Variants in CD300C observed in about 807,000 individuals in gnomAD.
CD300C encodes CD300c molecule, also known as CMRF35-like molecule 6.
In CD300C, 11 loss-of-function variants were observed where a neutral mutation model predicts 18.4. That is an observed-to-expected ratio of 0.60 (90% CI 0.38 to 0.99). CD300C has a LOEUF of 0.99. Among genes scored for constraint, CD300C ranks in the 50% least tolerant of loss-of-function variants. The pLI is 0.01. For synonymous variants in CD300C, 116 were observed against 116.3 expected (o/e 1.00, Z 0.02); for missense variants, 277 against 287.4 (o/e 0.96, Z 0.26).
the CD300C span, among the ~76,000 whole-genome samples, chr17:74,535,635 C>T: frequency 1.3e-5 from 2 of 149,248 alleles, no homozygotes; most frequent in South Asian, 4.1e-4. Flanking sequence ...TGTTCATAGA[C>T]AGAGAAATTA....
At chr17:74,539,572 T>C (rs1358137017), downstream of CD300C, among the ~76,000 whole-genome samples, 1 of 152,142 alleles carries the variant, frequency 6.6e-6, no homozygotes, top group African/African-American at 2.4e-5. Flanking sequence ...TGTCACAGGA[T>C]GGCACCCACC....
chr17:74,537,220 A>T (rs1908408189), downstream of CD300C, among the ~76,000 whole-genome samples: 1 of 152,202 alleles, frequency 6.6e-6, no homozygotes, highest in South Asian at 2.1e-4. Context: ...AAAGAGAAAG[A>T]AAAGAAACAA....
intron 1 of CD300C, 51 bp downstream of exon 1, chr17:74,545,671 C>A: frequency 7.0e-7 from 1 of 1,426,610 alleles, no homozygotes; most frequent in Non-Finnish European, 9.7e-7. Flanking sequence ...CCCCTCCCTG[C>A]CCTCTCCCAC....
chr17:74,542,902 G>A lies in CD300C; in HGVS notation c.486C>T (p.Ser162=), dbSNP rs756176843. 8.1e-6 allele frequency: 13 copies of A among 1,611,214 alleles called. No individual in the cohort carries two copies. The highest frequency in any genetic ancestry group is 5.3e-5 in the African/African-American group (4 of 74,914). The change falls in exon 3 of 4, where the codon AGC becomes AGT. Residue 162 remains serine (S), a synonymous_variant. Coordinates refer to ENST00000330793, the MANE Select transcript of CD300C (RefSeq NM_006678.5). ...GTTCGGGGCTGTCCTTTCTGGTCAC[G>A]CTGGGCCAGGTGTGCACGGGCAGCT... The part of the protein sequence containing the change: ...PTKLPVHTWP[S]VTRKDSPEPS...
In CD300C at chr17:74,542,937, G is replaced by C. The variant is rs773603082; in HGVS notation, c.451C>G (p.Pro151Ala). 3 of 1,613,266 alleles carry C rather than the reference G, an allele frequency of 1.9e-6. No homozygotes were observed. The highest frequency in any genetic ancestry group is 2.5e-6 in the Non-Finnish European group (3 of 1,179,986). Residue 151 changes from proline to alanine, a missense_variant, in exon 3 of 4, where the codon CCT (proline) becomes GCT (alanine). Transcript: ENST00000330793. ...SPQSSMGTSGPPTKLPVHTWP... is the reference protein window; with the variant it reads ...SPQSSMGTSGAPTKLPVHTWP... ...GTGTGCACGGGCAGCTTCGTGGGAGGACCTGAGGTGCCCATGGAGCTCTGG... is the reference window on the plus strand; with the variant it reads ...GTGTGCACGGGCAGCTTCGTGGGAGCACCTGAGGTGCCCATGGAGCTCTGG...
intron 1 of CD300C, among the ~76,000 whole-genome samples, chr17:74,545,219 TGTGTGACTGTGTGA>T (rs1393602342): frequency 1.3e-5 from 2 of 152,116 alleles, no homozygotes; most frequent in East Asian, 1.9e-4. Context: ...TGACTCTGTG[TGTGTGACTGTGTGA>T]GTGTGACTGT....
intron 3 of CD300C, 104 bp from the exon 4 acceptor site, chr17:74,541,840 A>G (rs1236691145): frequency 1.6e-5 from 20 of 1,273,022 alleles, no homozygotes; most frequent in Non-Finnish European, 2.1e-5. Context: ...ACCACAGCCA[A>G]CCACATAAGC....
chr17:74,543,027 G>T, intron 2 of CD300C, 40 bp from the exon 3 acceptor site: 1 of 1,610,914 alleles, frequency 6.2e-7, no homozygotes. Flanking sequence ...GACATCACAT[G>T]GGTCTCCCAC....
the CD300C span, among the ~76,000 whole-genome samples, chr17:74,535,618 C>T: frequency 6.6e-6 from 1 of 151,880 alleles, no homozygotes; most frequent in Non-Finnish European, 1.5e-5. Context: ...ATTAGAATTA[C>T]ATACCATGTT....
At chr17:74,543,021 T>A in intron 2 of CD300C, 34 bp from the exon 3 acceptor site, 1 of 1,611,564 alleles carries the variant, frequency 6.2e-7, no homozygotes, top group Non-Finnish European at 8.5e-7. Context: ...CTTGATGACA[T>A]CACATGGGTC....
At position 74,542,914 on chromosome 17, in the gene CD300C, G is replaced by A. The variant is rs1270365503; in HGVS notation, c.474C>T (p.His158=). 6.8e-6 allele frequency: 11 copies of A among 1,612,318 alleles called. No homozygotes were observed. The highest frequency in any genetic ancestry group is 8.5e-6 in the Non-Finnish European group (10 of 1,180,030). Residue 158 remains histidine (H), a synonymous_variant, in exon 3 of 4, where the codon CAC becomes CAT. Coordinates refer to ENST00000330793, the MANE Select transcript of CD300C (RefSeq NM_006678.5). ...TSGPPTKLPV[H]TWPSVTRKDS... Reference sequence around the variant, plus strand: ...CCTTTCTGGTCACGCTGGGCCAGGTGTGCACGGGCAGCTTCGTGGGAGGAC... The same window carrying A: ...CCTTTCTGGTCACGCTGGGCCAGGTATGCACGGGCAGCTTCGTGGGAGGAC...
downstream of CD300C, among the ~76,000 whole-genome samples, chr17:74,538,152 T>C (rs1908436357): frequency 6.6e-6 from 1 of 152,210 alleles, no homozygotes; most frequent in Admixed American, 6.5e-5. Flanking sequence ...CCTCCAAATC[T>C]TCTGATAGAA....
rs530341053 is a variant in CD300C at position 74,544,697 on chromosome 17, G to A, written c.312C>T (p.Asp104=). The A allele has an allele frequency of 2.2e-5, 36 of 1,614,208 alleles. No homozygotes were observed. Among genetic ancestry groups the A allele is most frequent in the South Asian group, 1.3e-4 (12 of 91,078 alleles). Residue 104 remains aspartate, a synonymous_variant, in exon 2 of 4, where the codon GAC becomes GAT. Coordinates refer to ENST00000330793, the MANE Select transcript of CD300C (RefSeq NM_006678.5). ...CCACCCCACACCAGTAGGTGCCTGCGTCCTCCTCTGTGAGATTCTCCAGGG... is the reference window on the plus strand; with the variant it reads ...CCACCCCACACCAGTAGGTGCCTGCATCCTCCTCTGTGAGATTCTCCAGGG... ...TVTLENLTEE[D]AGTYWCGVDT...
chr17:74,541,059 A>G (rs1908528010), downstream of CD300C: 1 of 153,296 alleles, frequency 6.5e-6, no homozygotes. Context: ...ATCAGGGAAC[A>G]ATGGATTTCT....
intron 2 of CD300C, among the ~76,000 whole-genome samples, 156 bp from the exon 3 acceptor site, chr17:74,543,143 C>A (rs1598138805): frequency 6.6e-6 from 1 of 152,232 alleles, no homozygotes; most frequent in African/African-American, 2.4e-5. Flanking sequence ...CAGGCCTGAC[C>A]AGGGTCCTGG....
At chr17:74,542,757 G>A (rs1418740007) in intron 3 of CD300C, 104 bp downstream of exon 3, 13 of 1,355,816 alleles carry the variant, frequency 9.6e-6, no homozygotes, top group Admixed American at 2.2e-5. Flanking sequence ...TGTGGGAGGT[G>A]CGAACAAAGA....
At chr17:74,535,499 A>G in the CD300C span, among the ~76,000 whole-genome samples, 1 of 151,402 alleles carries the variant, frequency 6.6e-6, no homozygotes, top group Non-Finnish European at 1.5e-5. Flanking sequence ...GCCACAAAAT[A>G]AGAATAAAAA....
intron 1 of CD300C, 136 bp downstream of exon 1, chr17:74,545,586 C>T (rs1324146366): frequency 2.9e-6 from 2 of 688,194 alleles, no homozygotes; most frequent in Non-Finnish European, 5.1e-6. Flanking sequence ...CTGCTGACCG[C>T]TCCTGGGTGC....
rs1908751091 is a variant in CD300C, at chr17:74,546,076, C to T, written c.-294G>A. The T allele has an allele frequency of 5.2e-6, 2 of 381,994 alleles. No homozygotes were observed. Among genetic ancestry groups the T allele is most frequent in the South Asian group, 3.3e-5 (1 of 30,428 alleles). 23.7% of individuals were successfully genotyped at this position (381,994 alleles called of 1,614,324 possible). On this transcript the variant is annotated 5_prime_UTR_variant, in exon 1 of 4. It adds an upstream start codon to the 5' untranslated region. Coordinates refer to ENST00000330793, the MANE Select transcript of CD300C (RefSeq NM_006678.5). ...GGGTGGCGATGCAGCCACTTCCCCA[C>T]AGCCCACAGCTTCTGGCTTCAGTGT...
Sources: gnomAD v4.1 joint callset for allele counts (sites outside exome capture counted in the v4.1 genomes callset) on GRCh38, gnomAD v4.1.1 for gene constraint, MANE v1.5 for transcripts, NCBI Gene and HGNC (gene_info 2026-07-23, HGNC 2026-07-21) for gene names.